NR2F1-AS1: variants seen among roughly 807,000 people sequenced by gnomAD.
NR2F1-AS1 encodes NR2F1 regulatory antisense RNA 1.
intron 4 of NR2F1-AS1, among the ~76,000 whole-genome samples, chr5:93,513,129 G>C (rs971566853): frequency 1.3e-5 from 2 of 152,048 alleles, no homozygotes; most frequent in Admixed American, 6.6e-5. Context: ...TCTCATACAA[G>C]TCAGAATGGC....
intron 4 of NR2F1-AS1, among the ~76,000 whole-genome samples, chr5:93,535,368 A>G (rs1156872289): frequency 6.6e-6 from 1 of 151,700 alleles, no homozygotes; most frequent in Non-Finnish European, 1.5e-5. Flanking sequence ...AAAAAATTTA[A>G]AAGGGAAAAT....
intron 4 of NR2F1-AS1, among the ~76,000 whole-genome samples, chr5:93,455,323 T>A (rs1749923090): frequency 6.6e-6 from 1 of 152,194 alleles, no homozygotes; most frequent in African/African-American, 2.4e-5. Context: ...TATGTAAAGT[T>A]GTATGATATT....
intron 1 of NR2F1-AS1, among the ~76,000 whole-genome samples, chr5:93,573,735 T>C (rs1752830816): frequency 6.6e-6 from 1 of 152,168 alleles, no homozygotes; most frequent in African/African-American, 2.4e-5. Context: ...GGACGCTGTC[T>C]CTCCAAGCGA....
In NR2F1-AS1 at chr5:93,472,328, ATTAAG is replaced by A. The variant is rs567537406; in HGVS notation, n.639-76791_639-76787del. Among the ~76,000 whole-genome samples the A allele has an allele frequency of 1.9e-3, 287 of 151,992 alleles. 1 individual carries two copies. Among genetic ancestry groups the A allele is most frequent in the African/African-American group, 5.7e-3 (237 of 41,556 alleles). ...AATAGTTTTTGACAGAGTCCACATA[ATTAAG>A]TTAAGAGAAAGACAAATGTTTTAAT... On this transcript the variant is annotated intron_variant and non_coding_transcript_variant, in intron 4 of 5. Transcript: ENST00000660523.
chr5:93,485,585 C>T (rs1750696146), intron 4 of NR2F1-AS1, among the ~76,000 whole-genome samples: 1 of 152,066 alleles, frequency 6.6e-6, no homozygotes, highest in Non-Finnish European at 1.5e-5. Context: ...CAAAAGCTAG[C>T]AGAAGAAAAG....
upstream of NR2F1-AS1, among the ~76,000 whole-genome samples, chr5:93,581,515 G>A (rs1753031139): frequency 6.6e-6 from 1 of 152,122 alleles, no homozygotes. Context: ...AGGGGAGGAG[G>A]GACTCGGCTG....
chr5:93,515,586 C>T (rs771982603), intron 4 of NR2F1-AS1, among the ~76,000 whole-genome samples: 3 of 151,876 alleles, frequency 2.0e-5, no homozygotes, highest in Non-Finnish European at 4.4e-5. Context: ...TCTATTTTTA[C>T]ATTTACTTTA....
At chr5:93,421,715 C>T (rs568549244) in intron 4 of NR2F1-AS1, among the ~76,000 whole-genome samples, 5 of 152,244 alleles carry the variant, frequency 3.3e-5, no homozygotes, top group Non-Finnish European at 5.9e-5. Flanking sequence ...CCCAGGGCCG[C>T]TCCATTGTCC....
intron 4 of NR2F1-AS1, among the ~76,000 whole-genome samples, chr5:93,503,563 C>T (rs1044019314): frequency 6.6e-6 from 1 of 152,162 alleles, no homozygotes; most frequent in Non-Finnish European, 1.5e-5. Context: ...AGTCCCAGAA[C>T]TAATAAGAGA....
chr5:93,445,603 C>T (rs573269984), intron 4 of NR2F1-AS1, among the ~76,000 whole-genome samples: 13 of 152,154 alleles, frequency 8.5e-5, no homozygotes, highest in Middle Eastern at 3.4e-3. Flanking sequence ...AGATTCACAG[C>T]CGAATTCTAC....
intron 4 of NR2F1-AS1, among the ~76,000 whole-genome samples, chr5:93,442,261 C>T (rs1021092347): frequency 6.6e-5 from 10 of 152,282 alleles, no homozygotes; most frequent in Middle Eastern, 3.4e-3. Flanking sequence ...ACCCAGGAAG[C>T]GCAAGGGGTT....
chr5:93,471,812 C>T (rs949125632), intron 4 of NR2F1-AS1, among the ~76,000 whole-genome samples: 1 of 151,704 alleles, frequency 6.6e-6, no homozygotes, highest in African/African-American at 2.4e-5. Flanking sequence ...GTAAAGGTTC[C>T]CCGGTTAATA....
intron 4 of NR2F1-AS1, among the ~76,000 whole-genome samples, chr5:93,439,564 G>A (rs989899618): frequency 6.6e-6 from 1 of 152,324 alleles, no homozygotes; most frequent in Admixed American, 6.5e-5. Context: ...AAAGTGCTGG[G>A]ATTACAGGCG....
upstream of NR2F1-AS1, chr5:93,583,755 A>G (rs989417410): frequency 2.0e-5 from 3 of 152,152 alleles, no homozygotes; most frequent in Non-Finnish European, 2.9e-5. Context: ...GAGGAAAAGA[A>G]GAGGATTATT....
chr5:93,457,887 T>C (rs1749987562), intron 4 of NR2F1-AS1, among the ~76,000 whole-genome samples: 2 of 152,318 alleles, frequency 1.3e-5, no homozygotes, highest in Admixed American at 1.3e-4. Flanking sequence ...AACTGCGGTG[T>C]CTCCATCTCC....
intron 4 of NR2F1-AS1, among the ~76,000 whole-genome samples, chr5:93,460,158 G>C (rs1004061370): frequency 6.6e-5 from 10 of 152,088 alleles, no homozygotes; most frequent in African/African-American, 2.4e-4. Context: ...ATGAGGATAA[G>C]AAGATGCAAA....
At chr5:93,516,721 A>G (rs953182416) in intron 4 of NR2F1-AS1, among the ~76,000 whole-genome samples, 2 of 152,098 alleles carry the variant, frequency 1.3e-5, no homozygotes, top group Admixed American at 1.3e-4. Flanking sequence ...TCATTGTACC[A>G]CAAACAGTAA....
chr5:93,460,335 G>A (rs928299152), intron 4 of NR2F1-AS1, among the ~76,000 whole-genome samples: 4 of 152,104 alleles, frequency 2.6e-5, no homozygotes, highest in Non-Finnish European at 4.4e-5. Context: ...ACGCAGCACC[G>A]GGAAGGCTTA....
At chr5:93,567,143 T>C (rs1752637090) in intron 1 of NR2F1-AS1, among the ~76,000 whole-genome samples, 1 of 152,114 alleles carries the variant, frequency 6.6e-6, no homozygotes, top group Non-Finnish European at 1.5e-5. Context: ...ACAGGTAAAT[T>C]GACTTAAAGT....
Sources: allele counts gnomAD v4.1 joint callset (sites outside exome capture counted in the v4.1 genomes callset), GRCh38; gene constraint gnomAD v4.1.1; transcripts MANE v1.5; gene names NCBI Gene and HGNC (gene_info 2026-07-23, HGNC 2026-07-21).